SYN3: variants seen among roughly 807,000 people sequenced by gnomAD.
SYN3 encodes the protein synapsin III.
In SYN3, 35 loss-of-function variants were observed where a neutral mutation model predicts 65.8. The observed-to-expected ratio is 0.53, with a 90% CI of 0.41 to 0.70. SYN3 has a LOEUF of 0.70. Among genes scored for constraint, SYN3 ranks in the 30% least tolerant of loss-of-function variants. The pLI, the probability that SYN3 is intolerant of heterozygous loss-of-function variation, is 0.00. For synonymous variants in SYN3, 270 were observed against 292.9 expected (o/e 0.92, Z 0.80); for missense variants, 680 against 749.0 (o/e 0.91, Z 1.08).
In SYN3 at chr22:32,894,623, G is replaced by A. The variant is rs965008552; in HGVS notation, c.462-25498C>T. On this transcript the variant is annotated intron_variant, in intron 4 of 13. Transcript: ENST00000358763. ...TGACATGATGCCTCCACCTGTGGCAGTCAAGTTGGGACAGCAAGATGGTTC... is the reference window on the plus strand; with the variant it reads ...TGACATGATGCCTCCACCTGTGGCAATCAAGTTGGGACAGCAAGATGGTTC... 3.3e-5 allele frequency among the ~76,000 whole-genome samples: 5 copies of A among 152,364 alleles called. No individual in the cohort carries two copies. The East Asian group carries it at 9.6e-4, about 29-fold the overall frequency.
chr22:32,567,198 T>C (rs1470518899), intron 7 of SYN3, among the ~76,000 whole-genome samples: 1 of 152,108 alleles, frequency 6.6e-6, no homozygotes, highest in African/African-American at 2.4e-5. Context: ...GAGCATGAGA[T>C]CAGTGATGAG....
chr22:32,997,793 G>A (rs541435927), intron 2 of SYN3, among the ~76,000 whole-genome samples: 15 of 152,174 alleles, frequency 9.9e-5, no homozygotes, highest in East Asian at 3.9e-4. Flanking sequence ...TTGGGAGGCC[G>A]AGGCGGGCAG....
intron 6 of SYN3, among the ~76,000 whole-genome samples, chr22:32,745,164 G>GTC (rs947254645): frequency 4.4e-4 from 67 of 152,098 alleles, no homozygotes; most frequent in African/African-American, 1.6e-3. Flanking sequence ...AGGGATGAGG[G>GTC]TCTCTCTCTC....
intron 6 of SYN3, among the ~76,000 whole-genome samples, chr22:32,614,401 TG>T (rs1365545666): frequency 2.0e-5 from 3 of 152,242 alleles, no homozygotes; most frequent in Non-Finnish European, 4.4e-5. Context: ...TTCCTGGGCC[TG>T]GGGTCAGGCA....
intron 7 of SYN3, among the ~76,000 whole-genome samples, chr22:32,556,013 A>AT (rs2058490356): frequency 6.6e-6 from 1 of 152,190 alleles, no homozygotes; most frequent in Admixed American, 6.5e-5. Flanking sequence ...CGAGCTCATC[A>AT]AAGGCTTAGA....
At chr22:32,877,487 G>C (rs975286630) in intron 4 of SYN3, among the ~76,000 whole-genome samples, 5 of 152,134 alleles carry the variant, frequency 3.3e-5, no homozygotes, top group African/African-American at 1.2e-4. Flanking sequence ...TCTCTGTTGT[G>C]GGGGGCTGTT....
intron 6 of SYN3, among the ~76,000 whole-genome samples, chr22:32,764,527 C>T (rs73156474): frequency 1.3e-5 from 2 of 152,134 alleles, no homozygotes; most frequent in African/African-American, 4.8e-5. Flanking sequence ...GGATCAGAAA[C>T]GCAGCAGAAG....
intron 6 of SYN3, among the ~76,000 whole-genome samples, chr22:32,764,031 G>A (rs1396688820): frequency 1.3e-5 from 2 of 150,044 alleles, no homozygotes; most frequent in African/African-American, 2.4e-5. Flanking sequence ...TCTGCCTCCC[G>A]GATTCAAGTG....
At chr22:32,665,821 T>A (rs1185201511) in intron 6 of SYN3, among the ~76,000 whole-genome samples, 1 of 152,152 alleles carries the variant, frequency 6.6e-6, no homozygotes, top group African/African-American at 2.4e-5. Flanking sequence ...TGTAGCCTAA[T>A]GACTCTTAAC....
intron 6 of SYN3, among the ~76,000 whole-genome samples, chr22:32,851,946 G>C (rs955633068): frequency 6.6e-6 from 1 of 152,102 alleles, no homozygotes; most frequent in Non-Finnish European, 1.5e-5. Flanking sequence ...CCATCCTCTC[G>C]TGCTTCCTTC....
chr22:32,821,606 G>T (rs934096353), intron 6 of SYN3, among the ~76,000 whole-genome samples: 1 of 152,230 alleles, frequency 6.6e-6, no homozygotes, highest in African/African-American at 2.4e-5. Flanking sequence ...TCTCAGCTGA[G>T]GGGCAAGGCA....
intron 6 of SYN3, among the ~76,000 whole-genome samples, chr22:32,781,148 T>C (rs915854189): frequency 6.8e-5 from 10 of 147,866 alleles, no homozygotes; most frequent in African/African-American, 2.5e-4. Flanking sequence ...TTTTAAATTG[T>C]ATAAAGCCCT....
intron 6 of SYN3, among the ~76,000 whole-genome samples, chr22:32,637,778 C>T (rs369513206): frequency 1.1e-4 from 17 of 151,954 alleles, no homozygotes; most frequent in African/African-American, 4.1e-4. Context: ...GCTGGGATTA[C>T]AGGCATGTGC....
At chr22:32,977,462 G>A (rs926931438) in intron 3 of SYN3, among the ~76,000 whole-genome samples, 2 of 152,242 alleles carry the variant, frequency 1.3e-5, no homozygotes, top group Middle Eastern at 6.8e-3. Flanking sequence ...GGGAGATTAA[G>A]AAGTGGTAGC....
At chr22:32,867,505 T>C (rs1257459744) in intron 5 of SYN3, among the ~76,000 whole-genome samples, 3 of 152,228 alleles carry the variant, frequency 2.0e-5, no homozygotes, top group African/African-American at 7.2e-5. Context: ...TGGATAAATT[T>C]ATCATTCTAG....
intron 7 of SYN3, among the ~76,000 whole-genome samples, chr22:32,565,858 A>G (rs957630360): frequency 2.6e-5 from 4 of 151,880 alleles, no homozygotes; most frequent in South Asian, 2.1e-4. Context: ...GACTACAGGC[A>G]CCCACCACCA....
chr22:32,986,177 T>C (rs2052521496), intron 2 of SYN3, among the ~76,000 whole-genome samples: 1 of 152,134 alleles, frequency 6.6e-6, no homozygotes, highest in South Asian at 2.1e-4. Flanking sequence ...ATACTGTCTG[T>C]AGGCCGGCCT....
Position 32,709,107 on chromosome 22 carries a change from C to A in SYN3, c.712-112371G>T, listed in dbSNP as rs946894663. Among the ~76,000 whole-genome samples, 3 of 152,360 alleles carry A rather than the reference C, an allele frequency of 2.0e-5. No homozygotes were observed. In the South Asian group the frequency reaches 6.2e-4, roughly 32 times the overall value. On this transcript the variant is annotated intron_variant, in intron 6 of 13. Coordinates refer to ENST00000358763, the MANE Select transcript of SYN3 (RefSeq NM_003490.4). ...CTGGCCACACTGTGGTTGGGGCCAA[C>A]AGGCCTTCTGGAAATGTCCCAGCTG...
chr22:32,930,478 A>G (rs2050597288), intron 4 of SYN3, among the ~76,000 whole-genome samples: 1 of 152,146 alleles, frequency 6.6e-6, no homozygotes, highest in Non-Finnish European at 1.5e-5. Flanking sequence ...CTTTATCAGC[A>G]GCATGAAAAA....
Sources: gnomAD v4.1 joint callset for allele counts (sites outside exome capture counted in the v4.1 genomes callset) on GRCh38, gnomAD v4.1.1 for gene constraint, MANE v1.5 for transcripts, NCBI Gene and HGNC (gene_info 2026-07-23, HGNC 2026-07-21) for gene names.